IL1F10: variants seen among roughly 807,000 people sequenced by gnomAD.
IL1F10 encodes interleukin-1 family member 10.
IL1F10 carries 13 observed loss-of-function variants against 13.1 expected under a neutral mutation model. The ratio of observed to expected loss-of-function variants is 0.99; its 90% CI spans 0.64 to 1.57. The LOEUF (loss-of-function observed/expected upper bound fraction) is 1.57, where lower values mean the gene tolerates loss of function less well. Ranked by LOEUF, IL1F10 falls within the 40% of genes most tolerant of loss-of-function variation. IL1F10 has a pLI of 0.00. For synonymous variants in IL1F10, 78 were observed against 68.2 expected (o/e 1.14, Z -0.71); for missense variants, 191 against 184.1 (o/e 1.04, Z -0.22).
At chr2:113,072,132 G>A (rs12711749) in intron 1 of IL1F10, among the ~76,000 whole-genome samples, 99,373 of 152,052 alleles carry the variant, frequency 0.65, 32,784 homozygotes, top group South Asian at 0.78. Flanking sequence ...GGCTGTTTTC[G>A]GCAGTCTTGG....
Position 113,072,702 on chromosome 2 carries a change from C to A in IL1F10, c.-28-9C>A. ...CCTTTTCTAACTGCCCTTCTCTCCT[C>A]CCCATCAGTGAGGACCAGACACCAC... On this transcript the variant is annotated splice_polypyrimidine_tract_variant and intron_variant, in intron 1 of 4. Transcript: ENST00000341010. 1.3e-6 allele frequency: 2 copies of A among 1,599,414 alleles called. No homozygotes were observed. Among genetic ancestry groups the A allele is most frequent in the Non-Finnish European group, 8.6e-7 (1 of 1,168,184 alleles).
At position 113,073,446 on chromosome 2, in the gene IL1F10, C is replaced by T. The variant is rs185883245; in HGVS notation, c.32+676C>T. ...AGTCCTGGTCTCAAGGAGGTGACAG[C>T]CTGGCTGGGAAGCAAGACACATACA... On this transcript the variant is annotated intron_variant, in intron 2 of 4. Coordinates refer to ENST00000341010, the MANE Select transcript of IL1F10 (RefSeq NM_173161.3). 2.1e-4 allele frequency among the ~76,000 whole-genome samples: 32 copies of T among 152,244 alleles called. No individual in the cohort carries two copies. The East Asian group carries it at 4.8e-3, about 23-fold the overall frequency.
chr2:113,075,071 T>C, intron 4 of IL1F10, 81 bp from the exon 5 acceptor site: 1 of 1,386,132 alleles, frequency 7.2e-7, no homozygotes, highest in Non-Finnish European at 9.8e-7. Context: ...CAGGTCCTTT[T>C]TTGGCCAAGC....
rs764932129 is a variant in IL1F10 at position 113,074,770 on chromosome 2, C to T, written c.166C>T (p.Pro56Ser). The change falls in exon 4 of 5, where the codon CCC becomes TCC. Residue 56 changes from proline to serine, a missense_variant. Coordinates refer to ENST00000341010, the MANE Select transcript of IL1F10 (RefSeq NM_173161.3). ...PNRGLARTKVPIFLGIQGGSR... is the reference protein window; with the variant it reads ...PNRGLARTKVSIFLGIQGGSR... The stretch of plus-strand genomic sequence containing the variant: ...CAGAGGCTTGGCCCGCACCAAGGTC[C>T]CCATTTTCCTGGGGATCCAGGGAGG... 2 of 1,613,816 alleles carry T rather than the reference C, an allele frequency of 1.2e-6. No homozygotes were observed. The highest frequency in any genetic ancestry group is 2.7e-5 in the African/African-American group (2 of 74,904).
chr2:113,072,792 C>G lies in IL1F10; in HGVS notation c.32+22C>G, dbSNP rs780921057. On this transcript the variant is annotated intron_variant, in intron 2 of 4. Coordinates refer to ENST00000341010, the MANE Select transcript of IL1F10 (RefSeq NM_173161.3). ...ACATGTAAGTTGTCCTGGCATGTCC[C>G]TGCTTTCCAAGCCAGGGGGTCAGGG... is the stretch of plus-strand genomic sequence containing the variant. The G allele has an allele frequency of 3.1e-6, 5 of 1,608,780 alleles. No homozygotes were observed. In the South Asian group the frequency reaches 5.5e-5, roughly 18 times the overall value.
chr2:113,072,042 TG>T (rs1214209265), intron 1 of IL1F10, among the ~76,000 whole-genome samples: 1 of 152,210 alleles, frequency 6.6e-6, no homozygotes, highest in Non-Finnish European at 1.5e-5. Context: ...CATGTGAGGC[TG>T]TGTGGCCTGG....
Position 113,075,423 on chromosome 2 carries a change from G to C in IL1F10, c.*59G>C. On this transcript the variant is annotated 3_prime_UTR_variant, in exon 5 of 5. Coordinates refer to ENST00000341010, the MANE Select transcript of IL1F10 (RefSeq NM_173161.3). ...CCAAACCAAGCTCATCCTGCTCAGG[G>C]TCTATGGTAGGCAGAATAATGTCCC... The C allele has an allele frequency of 7.8e-7, 1 of 1,276,468 alleles. No homozygotes were observed. Among genetic ancestry groups the C allele is most frequent in the Non-Finnish European group, 1.1e-6 (1 of 915,556 alleles). The allele number at this position is 1,276,468 out of a possible 1,614,324, so 79.1% of individuals were successfully genotyped here.
chr2:113,072,487 C>A, intron 1 of IL1F10: 1 of 503,542 alleles, frequency 2.0e-6, no homozygotes, highest in Non-Finnish European at 3.5e-6. Context: ...GCTCACACCC[C>A]TGGTGGCTGG....
At chr2:113,074,625 G>A in intron 3 of IL1F10, 98 bp from the exon 4 acceptor site, 2 of 1,460,714 alleles carry the variant, frequency 1.4e-6, no homozygotes, top group African/African-American at 1.4e-5. Context: ...GGCCAGGTGT[G>A]CCCATGTCCA....
chr2:113,075,052 C>A (rs1033466501), intron 4 of IL1F10, 100 bp from the exon 5 acceptor site: 18 of 1,289,852 alleles, frequency 1.4e-5, no homozygotes, highest in Admixed American at 2.1e-5. Context: ...GGGTAAAAAC[C>A]AGCCCTGTCA....
At chr2:113,068,763 T>C (rs1685786568) in intron 1 of IL1F10, among the ~76,000 whole-genome samples, 1 of 152,184 alleles carries the variant, frequency 6.6e-6, no homozygotes, top group Non-Finnish European at 1.5e-5. Flanking sequence ...TAAACTTTTA[T>C]AAGGGAAACA....
intron 3 of IL1F10, 80 bp downstream of exon 3, chr2:113,074,494 G>A: frequency 8.0e-7 from 1 of 1,249,096 alleles, no homozygotes; most frequent in Non-Finnish European, 1.2e-6. Flanking sequence ...CCCCAGCAGA[G>A]GGTCAGCAGC....
intron 1 of IL1F10, among the ~76,000 whole-genome samples, chr2:113,068,863 C>T (rs1685787605): frequency 6.6e-6 from 1 of 152,128 alleles, no homozygotes; most frequent in African/African-American, 2.4e-5. Flanking sequence ...ATTCATTAAA[C>T]TCTGAGTCAT....
chr2:113,072,624 T>G (rs3811051), intron 1 of IL1F10, 87 bp from the exon 2 acceptor site: 545,539 of 860,558 alleles, frequency 0.63, 174,986 homozygotes, highest in South Asian at 0.79. Context: ...CGTGCAGCCC[T>G]TGGCTGAGTG....
intron 2 of IL1F10, among the ~76,000 whole-genome samples, chr2:113,073,406 A>C (rs1015932527): frequency 2.0e-5 from 3 of 152,170 alleles, no homozygotes; most frequent in Admixed American, 6.5e-5. Flanking sequence ...GTCCTGGACA[A>C]GGTGGGTGGG....
At chr2:113,068,472 A>G (rs1348626008) in intron 1 of IL1F10, among the ~76,000 whole-genome samples, 1 of 152,034 alleles carries the variant, frequency 6.6e-6, no homozygotes, top group African/African-American at 2.4e-5. Flanking sequence ...CCTTTTTACA[A>G]TCATTAGAAT....
intron 1 of IL1F10, among the ~76,000 whole-genome samples, chr2:113,070,874 T>C (rs1685823510): frequency 6.6e-6 from 1 of 152,212 alleles, no homozygotes. Context: ...CCAAGCAGCA[T>C]GGCTGATTGC....
chr2:113,071,799 T>C (rs898871866), intron 1 of IL1F10, among the ~76,000 whole-genome samples: 36 of 152,136 alleles, frequency 2.4e-4, no homozygotes, highest in African/African-American at 8.2e-4. Context: ...TCTTCTCTCA[T>C]TTTCTGCTTT....
At chr2:113,068,658 A>G (rs548652283) in intron 1 of IL1F10, among the ~76,000 whole-genome samples, 25 of 152,200 alleles carry the variant, frequency 1.6e-4, no homozygotes, top group Non-Finnish European at 3.2e-4. Flanking sequence ...GTGTGTTTCT[A>G]TGTCCTGGCC....
Sources: gnomAD v4.1 joint callset for allele counts (sites outside exome capture counted in the v4.1 genomes callset) on GRCh38, gnomAD v4.1.1 for gene constraint, MANE v1.5 for transcripts, NCBI Gene and HGNC (gene_info 2026-07-23, HGNC 2026-07-21) for gene names.